Variants in PKIB observed in about 807,000 individuals in gnomAD.
The protein encoded by PKIB is cAMP-dependent protein kinase inhibitor beta.
A neutral mutation model predicts 4.5 loss-of-function variants in PKIB; 2 were observed. That is an observed-to-expected ratio of 0.44 (90% CI 0.18 to 1.39). The LOEUF is 1.39. PKIB is among the 40% of genes most tolerant of loss of function. The pLI is 0.27. For missense variants in PKIB, 94 were observed against 92.6 expected (o/e 1.02, Z -0.06); for synonymous variants, 38 against 36.0 (o/e 1.06, Z -0.20).
At chr6:122,562,011 T>C in intron 2 of PKIB, among the ~76,000 whole-genome samples, 1 of 144,922 alleles carries the variant, frequency 6.9e-6, no homozygotes, top group East Asian at 2.0e-4. Flanking sequence ...TTTGTTTTTT[T>C]TTTTTTTTGC....
At chr6:122,538,992 T>C (rs561270191) in intron 2 of PKIB, among the ~76,000 whole-genome samples, 1 of 152,194 alleles carries the variant, frequency 6.6e-6, no homozygotes, top group South Asian at 2.1e-4. Context: ...TGTCTGTTAT[T>C]GGTGTATAAG....
chr6:122,475,901 C>CT lies in PKIB; in HGVS notation c.-336-1949dup, dbSNP rs534096549. 3.9e-5 allele frequency among the ~76,000 whole-genome samples: 6 copies of CT among 152,288 alleles called. No homozygotes were observed. In the South Asian group the frequency reaches 1.2e-3, roughly 32 times the overall value. ...ATCAGTGTGTCTCCATCAAGGTTGA[C>CT]TAAAATTAGACTCATCTTTGGTCCC... On this transcript the variant is annotated intron_variant, in intron 1 of 6. Transcript: ENST00000392491.
chr6:122,707,367 C>T (rs1230982681), intron 3 of PKIB, among the ~76,000 whole-genome samples: 1 of 151,938 alleles, frequency 6.6e-6, no homozygotes, highest in Non-Finnish European at 1.5e-5. Context: ...AATCATTTCT[C>T]TCCTTTTCTT....
intron 1 of PKIB, among the ~76,000 whole-genome samples, chr6:122,626,205 T>A (rs1775438730): frequency 6.6e-6 from 1 of 152,238 alleles, no homozygotes; most frequent in South Asian, 2.1e-4. Flanking sequence ...ACTTTAGTGG[T>A]TCATATTTTC....
intron 2 of PKIB, among the ~76,000 whole-genome samples, chr6:122,529,445 T>C (rs1777187906): frequency 6.6e-6 from 1 of 152,222 alleles, no homozygotes; most frequent in Non-Finnish European, 1.5e-5. Flanking sequence ...TTTTGTCATT[T>C]AAGTTTTATG....
At chr6:122,616,476 A>G (rs549703483) in intron 1 of PKIB, among the ~76,000 whole-genome samples, 2 of 152,200 alleles carry the variant, frequency 1.3e-5, no homozygotes, top group Non-Finnish European at 2.9e-5. Context: ...ACGGTTCGGT[A>G]TGCAGGGAAT....
chr6:122,692,080 G>A (rs903528044), intron 3 of PKIB, among the ~76,000 whole-genome samples: 12 of 152,234 alleles, frequency 7.9e-5, no homozygotes, highest in African/African-American at 2.7e-4. Context: ...CCTGGAGCTG[G>A]AAGAAGGGTG....
chr6:122,557,019 G>GC (rs779672304), intron 2 of PKIB, among the ~76,000 whole-genome samples: 18 of 152,178 alleles, frequency 1.2e-4, no homozygotes, highest in Non-Finnish European at 2.1e-4. Flanking sequence ...TCTGAGACCA[G>GC]CCTGGCCAAC....
At chr6:122,692,870 A>G (rs542782075) in intron 3 of PKIB, among the ~76,000 whole-genome samples, 12 of 152,370 alleles carry the variant, frequency 7.9e-5, no homozygotes, top group African/African-American at 2.6e-4. Flanking sequence ...CAGACTACAT[A>G]AAGCCTTCTG....
chr6:122,710,253 A>G (rs1429548448), intron 3 of PKIB, among the ~76,000 whole-genome samples: 2 of 152,102 alleles, frequency 1.3e-5, no homozygotes, highest in Non-Finnish European at 2.9e-5. Context: ...GCCATTTGAC[A>G]TTTTAAAACC....
At chr6:122,694,031 C>T (rs556197964) in intron 3 of PKIB, among the ~76,000 whole-genome samples, 2 of 152,072 alleles carry the variant, frequency 1.3e-5, no homozygotes, top group South Asian at 2.1e-4. Context: ...CAAGGTCGTG[C>T]GTATGCATTT....
chr6:122,720,192 A>AT (rs1254599441), intron 4 of PKIB, among the ~76,000 whole-genome samples: 1 of 152,124 alleles, frequency 6.6e-6, no homozygotes, highest in South Asian at 2.1e-4. Flanking sequence ...TTTATTTTTA[A>AT]TTTTTTTAAT....
At chr6:122,582,565 A>T (rs1027148969) in intron 2 of PKIB, among the ~76,000 whole-genome samples, 22 of 152,224 alleles carry the variant, frequency 1.4e-4, no homozygotes, top group African/African-American at 5.3e-4. Context: ...TTGAGCTAGA[A>T]ATGGTATTAT....
chr6:122,646,509 A>G (rs937332573), intron 2 of PKIB, among the ~76,000 whole-genome samples: 2 of 152,234 alleles, frequency 1.3e-5, no homozygotes, highest in African/African-American at 4.8e-5. Flanking sequence ...CTCATGCTTT[A>G]CATTTTGAAA....
At chr6:122,521,541 G>C (rs948507330) in intron 2 of PKIB, among the ~76,000 whole-genome samples, 6 of 152,004 alleles carry the variant, frequency 3.9e-5, no homozygotes, top group Admixed American at 2.6e-4. Flanking sequence ...TTAGCTGGGC[G>C]TGGTGGTGGG....
chr6:122,647,958 C>T (rs1219688474), intron 2 of PKIB, among the ~76,000 whole-genome samples: 1 of 152,252 alleles, frequency 6.6e-6, no homozygotes, highest in African/African-American at 2.4e-5. Context: ...TTGTGGTTTT[C>T]TTCACAGAAT....
chr6:122,497,297 CTA>C (rs764938852), intron 2 of PKIB, among the ~76,000 whole-genome samples: 37 of 152,280 alleles, frequency 2.4e-4, no homozygotes, highest in Non-Finnish European at 3.2e-4. Context: ...CCCACAGAAC[CTA>C]TACAACAACT....
At chr6:122,485,358 A>G (rs1775735189) in intron 2 of PKIB, among the ~76,000 whole-genome samples, 1 of 152,198 alleles carries the variant, frequency 6.6e-6, no homozygotes, top group Admixed American at 6.5e-5. Context: ...TATTTCCCAA[A>G]GGAGAATTAG....
intron 2 of PKIB, among the ~76,000 whole-genome samples, chr6:122,640,470 C>G (rs1286165270): frequency 6.6e-6 from 1 of 152,126 alleles, no homozygotes; most frequent in Non-Finnish European, 1.5e-5. Flanking sequence ...CCTGTACTGT[C>G]AACTTCAGTT....
Sources: gnomAD v4.1 joint callset for allele counts (sites outside exome capture counted in the v4.1 genomes callset) on GRCh38, gnomAD v4.1.1 for gene constraint, MANE v1.5 for transcripts, NCBI Gene and HGNC (gene_info 2026-07-23, HGNC 2026-07-21) for gene names.